Variants in MYO18B observed in about 807,000 individuals in gnomAD.
MYO18B encodes the protein unconventional myosin-XVIIIb.
Under a neutral mutation model 273.0 loss-of-function variants are expected in MYO18B, and 204 were observed. That is an observed-to-expected ratio of 0.75 (90% CI 0.67 to 0.84). MYO18B has a LOEUF of 0.84. MYO18B is among the 40% of genes least tolerant of loss of function. The pLI, the probability that MYO18B is intolerant of heterozygous loss-of-function variation, is 0.00. For synonymous variants in MYO18B, 1,330 were observed against 1,305.7 expected (o/e 1.02, Z -0.40); for missense variants, 3,212 against 3,287.6 (o/e 0.98, Z 0.56).
chr22:26,012,454 G>C (rs908442396), intron 42 of MYO18B, among the ~76,000 whole-genome samples: 3 of 152,206 alleles, frequency 2.0e-5, no homozygotes, highest in Non-Finnish European at 4.4e-5. Flanking sequence ...AGGACATAAG[G>C]AGTCTTTTTA....
At chr22:25,799,990 A>G (rs9624903) in intron 12 of MYO18B, among the ~76,000 whole-genome samples, 11 of 152,170 alleles carry the variant, frequency 7.2e-5, no homozygotes, top group South Asian at 2.1e-4. Context: ...CACACACACC[A>G]TGGAATACTA....
At position 25,768,757 on chromosome 22, in the gene MYO18B, A is replaced by C; in HGVS notation, c.841A>C (p.Lys281Gln). The change falls in exon 4 of 44, where the codon AAA becomes CAA. Residue 281 changes from lysine (K) to glutamine (Q), a missense_variant. By Grantham distance (53) the Lys-to-Gln change is moderately conservative. Coordinates refer to ENST00000335473, the MANE Select transcript of MYO18B (RefSeq NM_032608.7). Reference protein sequence around the residue: ...QGPGEGVRPGKAEKEGAEPTN... With the variant: ...QGPGEGVRPGQAEKEGAEPTN... ...GCCCGGCGAGGGGGTGCGACCAGGG[A>C]AAGCAGAGAAGGAGGGAGCAGAGCC... 1 of 1,606,886 alleles carries C rather than the reference A, an allele frequency of 6.2e-7. No individual in the cohort carries two copies. The highest frequency in any genetic ancestry group is 8.5e-7 in the Non-Finnish European group (1 of 1,176,586).
At chr22:25,924,448 A>G (rs574321906) in intron 34 of MYO18B, among the ~76,000 whole-genome samples, 2 of 152,396 alleles carry the variant, frequency 1.3e-5, no homozygotes, top group African/African-American at 4.8e-5. Context: ...CCACCGTCAT[A>G]GAATTTACAT....
At chr22:25,882,485 A>G (rs1007766408) in intron 25 of MYO18B, among the ~76,000 whole-genome samples, 1 of 152,218 alleles carries the variant, frequency 6.6e-6, no homozygotes, top group African/African-American at 2.4e-5. Flanking sequence ...GTATGACTTC[A>G]GCAATATTCA....
chr22:26,057,660 C>T, the MYO18B span, among the ~76,000 whole-genome samples: 2 of 151,978 alleles, frequency 1.3e-5, no homozygotes, highest in South Asian at 2.1e-4. Context: ...AGTTTCTTCA[C>T]AAGCTTTTGC....
Position 25,947,542 on chromosome 22 carries a change from A to C in MYO18B, c.5632-170A>C, listed in dbSNP as rs111378642. ...CACACACACACACACACACACACAC[A>C]CCAAGCTGTTATACCTACCACATGC... On this transcript the variant is annotated intron_variant, in intron 35 of 43. Coordinates refer to ENST00000335473, the MANE Select transcript of MYO18B (RefSeq NM_032608.7). Among the ~76,000 whole-genome samples, 240 of 140,200 alleles carry C rather than the reference A, an allele frequency of 1.7e-3. 2 individuals carry two copies. The South Asian group carries it at 0.029, about 17-fold the overall frequency. The allele number at this position is 140,200 out of a possible 152,430, so 92.0% of individuals were successfully genotyped here.
At chr22:26,008,543 G>A (rs1397603444) in intron 42 of MYO18B, among the ~76,000 whole-genome samples, 1 of 152,210 alleles carries the variant, frequency 6.6e-6, no homozygotes, top group Non-Finnish European at 1.5e-5. Flanking sequence ...TTATTTATAA[G>A]GGGACGTCAA....
chr22:25,768,065 T>A (rs753116832), intron 3 of MYO18B, 50 bp from the exon 4 acceptor site: 1 of 1,442,860 alleles, frequency 6.9e-7, no homozygotes, highest in Non-Finnish European at 9.4e-7. Context: ...ATGACAAAGC[T>A]GTCAGGTCAG....
Position 26,030,565 on chromosome 22 carries a change from C to T in MYO18B, c.*135C>T. Reference sequence around the variant, plus strand: ...GGCCACCCTCAAGAGGCGAGATGAGCCCACAGAGGCATATCCTGCGGGGAT... The same window carrying T: ...GGCCACCCTCAAGAGGCGAGATGAGTCCACAGAGGCATATCCTGCGGGGAT... On this transcript the variant is annotated 3_prime_UTR_variant, in exon 44 of 44. Coordinates refer to ENST00000335473, the MANE Select transcript of MYO18B (RefSeq NM_032608.7). 5.1e-6 allele frequency: 1 copy of T among 195,428 alleles called. No homozygotes were observed. The highest frequency in any genetic ancestry group is 1.0e-5 in the Non-Finnish European group (1 of 96,204). 12.1% of individuals were successfully genotyped at this position (195,428 alleles called of 1,614,324 possible). A position where few individuals can be genotyped will look rare whatever the true frequency, so the allele number is the denominator to read the frequency against.
intron 39 of MYO18B, among the ~76,000 whole-genome samples, chr22:25,963,462 T>G (rs1373021569): frequency 6.7e-6 from 1 of 150,290 alleles, no homozygotes; most frequent in Non-Finnish European, 1.5e-5. Context: ...TGCCTCTGTC[T>G]TTATGTGGCC....
intron 39 of MYO18B, among the ~76,000 whole-genome samples, chr22:25,988,795 T>C (rs185486993): frequency 1.1e-4 from 17 of 152,282 alleles, no homozygotes; most frequent in Non-Finnish European, 1.9e-4. Context: ...GCAAAAGCCC[T>C]GTGAGGGAGG....
intron 17 of MYO18B, among the ~76,000 whole-genome samples, chr22:25,842,111 A>G (rs953989952): frequency 1.3e-5 from 2 of 152,212 alleles, no homozygotes; most frequent in Non-Finnish European, 2.9e-5. Context: ...AAGCAGCCAC[A>G]CAGGTGGCAG....
intron 39 of MYO18B, among the ~76,000 whole-genome samples, chr22:25,961,986 G>A (rs2146684942): frequency 6.6e-6 from 1 of 152,256 alleles, no homozygotes; most frequent in African/African-American, 2.4e-5. Flanking sequence ...TTCCCTTTGT[G>A]TCATGAGTGG....
At chr22:25,812,394 A>G (rs1406893494) in intron 12 of MYO18B, among the ~76,000 whole-genome samples, 2 of 152,038 alleles carry the variant, frequency 1.3e-5, no homozygotes, top group Non-Finnish European at 2.9e-5. Context: ...CCACCCCTTA[A>G]TGAGGTGAGC....
At chr22:25,932,641 C>T (rs1270245314) in intron 34 of MYO18B, among the ~76,000 whole-genome samples, 1 of 152,028 alleles carries the variant, frequency 6.6e-6, no homozygotes, top group Non-Finnish European at 1.5e-5. Flanking sequence ...AACTCCCGAC[C>T]TCAGGTGATC....
intron 25 of MYO18B, among the ~76,000 whole-genome samples, chr22:25,887,379 C>T (rs1178039263): frequency 7.3e-5 from 11 of 151,110 alleles, no homozygotes; most frequent in Admixed American, 1.3e-4. Flanking sequence ...GAGGCCAGTG[C>T]ACAGGATATT....
At chr22:25,990,498 G>A (rs756845075) in intron 39 of MYO18B, among the ~76,000 whole-genome samples, 5 of 151,844 alleles carry the variant, frequency 3.3e-5, no homozygotes, top group Admixed American at 6.6e-5. Context: ...CCAGCCTGGC[G>A]AACGTGGTGA....
chr22:25,750,791 CAT>C (rs946004936), intron 1 of MYO18B, among the ~76,000 whole-genome samples: 16 of 152,208 alleles, frequency 1.1e-4, no homozygotes, highest in African/African-American at 3.9e-4. Context: ...TGCAGGGTGA[CAT>C]TGGCTGGCAC....
the MYO18B span, among the ~76,000 whole-genome samples, chr22:26,036,629 A>G: frequency 6.6e-6 from 1 of 152,122 alleles, no homozygotes; most frequent in Non-Finnish European, 1.5e-5. Context: ...TCCATCTCCC[A>G]TCTCCTAGAG....
Sources: allele counts gnomAD v4.1 joint callset (sites outside exome capture counted in the v4.1 genomes callset), GRCh38; gene constraint gnomAD v4.1.1; transcripts MANE v1.5; gene names NCBI Gene and HGNC (gene_info 2026-07-23, HGNC 2026-07-21).